Variants in SYCP2L observed in about 807,000 individuals in gnomAD.
SYCP2L encodes the protein synaptonemal complex protein 2-like.
Under a neutral mutation model 125.8 loss-of-function variants are expected in SYCP2L, and 98 were observed. The observed-to-expected ratio is 0.78, with a 90% CI of 0.66 to 0.92. The LOEUF (loss-of-function observed/expected upper bound fraction) is 0.92, where lower values mean the gene tolerates loss of function less well. Ranked by LOEUF, SYCP2L falls within the 40% of genes least tolerant of loss-of-function variation. SYCP2L has a pLI of 0.00. For synonymous variants in SYCP2L, 317 were observed against 325.4 expected, an observed-to-expected ratio of 0.97 and a Z score of 0.28; for missense variants, 842 against 936.4, an observed-to-expected ratio of 0.90 and a Z score of 1.32.
chr6:10,964,499 A>G (rs1420982474), intron 29 of SYCP2L, among the ~76,000 whole-genome samples: 2 of 152,186 alleles, frequency 1.3e-5, no homozygotes, highest in African/African-American at 4.8e-5. Context: ...CTTAATCTAA[A>G]AATCTGAAAT....
intron 17 of SYCP2L, 22 bp from the exon 18 acceptor site, chr6:10,928,381 A>C: frequency 8.3e-7 from 1 of 1,197,834 alleles, no homozygotes; most frequent in Non-Finnish European, 1.2e-6. Flanking sequence ...AAATCTTCAC[A>C]ATCCACGTTC....
chr6:10,897,944 C>A (rs894490000), intron 4 of SYCP2L, 67 bp from the exon 5 acceptor site: 2 of 1,020,390 alleles, frequency 2.0e-6, no homozygotes, highest in African/African-American at 3.2e-5. Flanking sequence ...AGAAAATTGT[C>A]TTGTGCAATT....
intron 21 of SYCP2L, among the ~76,000 whole-genome samples, chr6:10,938,983 G>C (rs994564256): frequency 2.1e-4 from 32 of 152,108 alleles, no homozygotes; most frequent in African/African-American, 7.2e-4. Flanking sequence ...AGCTAGGCAT[G>C]GTGGCACACT....
chr6:10,947,664 A>T (rs1234859), intron 23 of SYCP2L, among the ~76,000 whole-genome samples: 1 of 152,086 alleles, frequency 6.6e-6, no homozygotes, highest in Admixed American at 6.5e-5. Flanking sequence ...TCTCTTAGTT[A>T]TCCTAAGTAG....
At chr6:10,915,053 A>G (rs1344345887) in intron 14 of SYCP2L, among the ~76,000 whole-genome samples, 1 of 151,856 alleles carries the variant, frequency 6.6e-6, no homozygotes, top group African/African-American at 2.4e-5. Context: ...GCCCATCCCT[A>G]AGTTATTTTA....
chr6:10,924,733 TG>T, intron 15 of SYCP2L, 92 bp downstream of exon 15: 1 of 1,192,052 alleles, frequency 8.4e-7, no homozygotes, highest in South Asian at 2.5e-5. Context: ...TGTGAATATT[TG>T]ATAAAGCAGA....
At chr6:10,887,159 G>T in intron 1 of SYCP2L, 24 bp downstream of exon 1, 1 of 1,614,052 alleles carries the variant, frequency 6.2e-7, no homozygotes, top group Non-Finnish European at 8.5e-7. Context: ...GAAGGGCCCG[G>T]ACCTTCTGTC....
intron 4 of SYCP2L, 42 bp downstream of exon 4, chr6:10,894,246 A>G (rs1389549803): frequency 6.2e-7 from 1 of 1,600,068 alleles, no homozygotes; most frequent in Non-Finnish European, 8.5e-7. Context: ...TGGGTAACTT[A>G]GAGAACTTAG....
At chr6:10,894,712 A>C (rs1301434741) in intron 4 of SYCP2L, among the ~76,000 whole-genome samples, 1 of 95,748 alleles carries the variant, frequency 1.0e-5, no homozygotes, top group Non-Finnish European at 2.3e-5. Context: ...TTTTAAAAAT[A>C]ATAACCAAGA....
intron 6 of SYCP2L, among the ~76,000 whole-genome samples, chr6:10,900,486 A>G (rs931899449): frequency 6.6e-6 from 1 of 151,668 alleles, no homozygotes; most frequent in Non-Finnish European, 1.5e-5. Flanking sequence ...CTGGGTAGCT[A>G]GCATTACAAG....
At chr6:10,903,934 C>T (rs1780437506) in intron 8 of SYCP2L, among the ~76,000 whole-genome samples, 1 of 151,980 alleles carries the variant, frequency 6.6e-6, no homozygotes, top group Non-Finnish European at 1.5e-5. Context: ...GTTAAGAGTA[C>T]AGACGGTAGA....
intron 1 of SYCP2L, among the ~76,000 whole-genome samples, chr6:10,887,839 A>G (rs1780102697): frequency 6.6e-6 from 1 of 152,236 alleles, no homozygotes; most frequent in African/African-American, 2.4e-5. Context: ...ATCTGGCGCC[A>G]TCTTCCCAGC....
chr6:10,903,617 G>A (rs9368470), intron 8 of SYCP2L, among the ~76,000 whole-genome samples: 29,663 of 151,856 alleles, frequency 0.2, 3,480 homozygotes, highest in Middle Eastern at 0.31. Flanking sequence ...TGGGCTTGGT[G>A]GCACACACCT....
intron 14 of SYCP2L, among the ~76,000 whole-genome samples, chr6:10,923,195 C>G (rs1780830412): frequency 6.6e-6 from 1 of 151,918 alleles, no homozygotes; most frequent in African/African-American, 2.4e-5. Context: ...CCTGTTCTTT[C>G]CTGGACTTTG....
intron 16 of SYCP2L, 67 bp downstream of exon 16, chr6:10,926,499 A>G: frequency 1.6e-6 from 2 of 1,288,792 alleles, no homozygotes; most frequent in Non-Finnish European, 2.2e-6. Context: ...CTTAGTTGGA[A>G]GAGGTCACTG....
chr6:10,973,180 G>T (rs1454044348), intron 29 of SYCP2L, among the ~76,000 whole-genome samples: 1 of 152,190 alleles, frequency 6.6e-6, no homozygotes, highest in East Asian at 1.9e-4. Flanking sequence ...GGTGGGATGG[G>T]AGAATCTGTT....
chr6:10,972,030 C>G (rs1192280485), intron 29 of SYCP2L, among the ~76,000 whole-genome samples: 1 of 152,132 alleles, frequency 6.6e-6, no homozygotes, highest in Non-Finnish European at 1.5e-5. Flanking sequence ...TATTAGTTCA[C>G]TCAGCAATAA....
chr6:10,904,174 ATT>A (rs1780441959), intron 8 of SYCP2L, among the ~76,000 whole-genome samples: 1 of 152,214 alleles, frequency 6.6e-6, no homozygotes. Flanking sequence ...GGGGCATGGA[ATT>A]TTGATTGCTT....
intron 1 of SYCP2L, among the ~76,000 whole-genome samples, 180 bp from the exon 2 acceptor site, chr6:10,891,333 T>C (rs1477048661): frequency 6.6e-6 from 1 of 152,152 alleles, no homozygotes; most frequent in Admixed American, 6.5e-5. Context: ...ATAAAGTTTT[T>C]CTCTTTTTTC....
Sources: gnomAD v4.1 joint callset for allele counts (sites outside exome capture counted in the v4.1 genomes callset) on GRCh38, gnomAD v4.1.1 for gene constraint, MANE v1.5 for transcripts, NCBI Gene and HGNC (gene_info 2026-07-23, HGNC 2026-07-21) for gene names.